Variants in PARG observed in about 807,000 individuals in gnomAD.
PARG encodes poly(ADP-ribose) glycohydrolase.
PARG carries 35 observed loss-of-function variants against 113.0 expected under a neutral mutation model. That is an observed-to-expected ratio of 0.31 (90% confidence interval 0.24 to 0.41). PARG has a LOEUF of 0.41. PARG is among the 10% of genes least tolerant of loss of function. The pLI is 1.00. For missense variants in PARG, 797 were observed against 1,169.4 expected (o/e 0.68, Z 4.64); for synonymous variants, 330 against 409.9 (o/e 0.81, Z 2.36).
Position 49,879,743 on chromosome 10 carries a change from A to G in PARG, c.1918T>C (p.Cys640Arg). 6.4e-7 allele frequency: 1 copy of G among 1,574,194 alleles called. No individual in the cohort carries two copies. The highest frequency in any genetic ancestry group is 8.6e-7 in the Non-Finnish European group (1 of 1,157,700). The change falls in exon 9 of 18, where the codon TGC becomes CGC. Residue 640 changes from cysteine to arginine, a missense_variant. By Grantham distance (180) the Cys-to-Arg change is radical. Coordinates refer to ENST00000616448, the MANE Select transcript of PARG (RefSeq NM_003631.5). ...TTAGCATTTCGTCGTGGAAATGTGCAGAAGAAAGCATTAGCTAAAAGACTG... is the reference window on the plus strand; with the variant it reads ...TTAGCATTTCGTCGTGGAAATGTGCGGAAGAAAGCATTAGCTAAAAGACTG... ...IASLLANAFF[C>R]TFPRRNAKMK... is the part of the protein sequence containing the mutation.
At chr10:49,920,551 T>C (rs535672040) in intron 6 of PARG, among the ~76,000 whole-genome samples, 22 of 141,506 alleles carry the variant, frequency 1.6e-4, no homozygotes, top group African/African-American at 5.2e-4. Flanking sequence ...CACATATATA[T>C]ACATATATAC....
intron 9 of PARG, among the ~76,000 whole-genome samples, chr10:49,876,753 T>C (rs1208723048): frequency 2.8e-4 from 43 of 151,040 alleles, no homozygotes; most frequent in African/African-American, 1.0e-3. Context: ...GCTTCTCCTT[T>C]CTCTGTAACC....
chr10:49,907,694 TAAGAAG>T (rs200477044), intron 7 of PARG, among the ~76,000 whole-genome samples: 1 of 152,134 alleles, frequency 6.6e-6, no homozygotes, highest in Non-Finnish European at 1.5e-5. Context: ...AGTAGGAACA[TAAGAAG>T]AATAAATGCA....
chr10:49,850,509 T>C (rs1441159039), intron 13 of PARG, among the ~76,000 whole-genome samples: 2 of 152,202 alleles, frequency 1.3e-5, no homozygotes, highest in Non-Finnish European at 2.9e-5. Flanking sequence ...GTGATTCTAT[T>C]TACTCGAGGG....
At chr10:49,840,487 T>C (rs1554832055) in intron 15 of PARG, among the ~76,000 whole-genome samples, 1 of 152,002 alleles carries the variant, frequency 6.6e-6, no homozygotes, top group Admixed American at 6.5e-5. Flanking sequence ...TTTAGAACTG[T>C]TGATACACCA....
intron 8 of PARG, 120 bp from the exon 9 acceptor site, chr10:49,879,950 T>C: frequency 1.7e-6 from 1 of 599,568 alleles, no homozygotes; most frequent in Non-Finnish European, 3.0e-6. Context: ...AGGCCATTCT[T>C]GAATCCTTAA....
rs1554830500 is a variant in PARG, at chr10:49,832,829, G to A, written c.2621C>T (p.Ala874Val). The change falls in exon 16 of 18, where the codon GCC becomes GTC. Residue 874 changes from alanine (A) to valine (V), a missense_variant. Ala to Val is a moderately conservative substitution (Grantham distance 64, BLOSUM62 0). Coordinates refer to ENST00000616448, the MANE Select transcript of PARG (RefSeq NM_003631.5). Reference protein sequence around the residue: ...AVATGNWGCGAFGGDARLKAL... With the variant: ...AVATGNWGCGVFGGDARLKAL... ...TTTTAACCTGGCATCACCCCCAAAG[G>A]CACCACAGCCCCAGTTTCCTGTGGC... The A allele has an allele frequency of 4.5e-6, 7 of 1,548,138 alleles. No homozygotes were observed. Among genetic ancestry groups the A allele is most frequent in the Non-Finnish European group, 6.1e-6 (7 of 1,144,132 alleles).
At chr10:49,901,968 A>G (rs1848367001) in intron 7 of PARG, among the ~76,000 whole-genome samples, 1 of 152,234 alleles carries the variant, frequency 6.6e-6, no homozygotes, top group South Asian at 2.1e-4. Context: ...CGGCAGCCAC[A>G]TGTGGCATTT....
intron 7 of PARG, among the ~76,000 whole-genome samples, chr10:49,890,937 G>A (rs1847743827): frequency 6.6e-6 from 1 of 152,220 alleles, no homozygotes; most frequent in Non-Finnish European, 1.5e-5. Context: ...TCTGTAGCTT[G>A]CAACATGAGA....
rs374401404 is a variant in PARG, at chr10:49,830,339, T to C, written c.2647+2464A>G. Among the ~76,000 whole-genome samples, 56 of 152,158 alleles carry C rather than the reference T, an allele frequency of 3.7e-4. No homozygotes were observed. In the South Asian group the frequency reaches 4.4e-3, roughly 12 times the overall value. On this transcript the variant is annotated intron_variant, in intron 16 of 17. Coordinates refer to ENST00000616448, the MANE Select transcript of PARG (RefSeq NM_003631.5). ...AGATCAATAAGCCCAGAGTGAAAAA[T>C]AGGTTTCCTCAAACACCGAAAATAG...
chr10:49,934,188 AAAC>A (rs1287363529), intron 2 of PARG, 25 bp from the exon 3 acceptor site: 8 of 890,344 alleles, frequency 9.0e-6, no homozygotes, highest in East Asian at 2.5e-5. Flanking sequence ...AAAGAACTAA[AAAC>A]AACTTATAAT....
chr10:49,927,301 GTCAA>G (rs1838223131), intron 4 of PARG, among the ~76,000 whole-genome samples: 1 of 144,992 alleles, frequency 6.9e-6, no homozygotes, highest in African/African-American at 2.7e-5. Context: ...GCAAGACTCT[GTCAA>G]GAAAGAAAGA....
intron 7 of PARG, among the ~76,000 whole-genome samples, chr10:49,903,436 T>C (rs550374632): frequency 3.3e-5 from 5 of 152,138 alleles, no homozygotes; most frequent in African/African-American, 9.6e-5. Context: ...GCCCACATTT[T>C]TGTGTGCTGG....
At chr10:49,829,863 T>G (rs1554830019) in intron 16 of PARG, among the ~76,000 whole-genome samples, 1 of 152,232 alleles carries the variant, frequency 6.6e-6, no homozygotes, top group East Asian at 1.9e-4. Context: ...CAGACACATT[T>G]CTATAATGGT....
chr10:49,866,161 GA>G (rs1554836857), intron 10 of PARG, among the ~76,000 whole-genome samples: 1 of 152,090 alleles, frequency 6.6e-6, no homozygotes, highest in African/African-American at 2.4e-5. Flanking sequence ...AGTAGCAAAA[GA>G]AACTAATAAA....
chr10:49,860,167 C>T (rs1464444582), intron 12 of PARG, among the ~76,000 whole-genome samples: 2 of 152,200 alleles, frequency 1.3e-5, no homozygotes, highest in Non-Finnish European at 2.9e-5. Flanking sequence ...GCAAGAAGCC[C>T]TTACGGTATT....
At chr10:49,853,174 C>A (rs1845835806) in intron 13 of PARG, among the ~76,000 whole-genome samples, 1 of 151,456 alleles carries the variant, frequency 6.6e-6, no homozygotes, top group South Asian at 2.1e-4. Flanking sequence ...GCTGGGACTA[C>A]AGGCACCTGC....
chr10:49,916,071 A>G (rs1837456581), intron 6 of PARG, 80 bp from the exon 7 acceptor site: 1 of 750,294 alleles, frequency 1.3e-6, no homozygotes, highest in East Asian at 2.7e-5. Flanking sequence ...CTTATGAATT[A>G]CCTCCAGTAC....
At chr10:49,862,721 A>G (rs1846312949) in intron 11 of PARG, among the ~76,000 whole-genome samples, 1 of 151,292 alleles carries the variant, frequency 6.6e-6, no homozygotes, top group Admixed American at 6.6e-5. Context: ...ATAAAGCAGC[A>G]GAGATGTGAA....
Sources: gnomAD v4.1 joint callset for allele counts (sites outside exome capture counted in the v4.1 genomes callset) on GRCh38, gnomAD v4.1.1 for gene constraint, MANE v1.5 for transcripts, NCBI Gene and HGNC (gene_info 2026-07-23, HGNC 2026-07-21) for gene names.